Variants in CDH7 observed in about 807,000 individuals in gnomAD.
The protein encoded by CDH7 is cadherin 7.
A neutral mutation model predicts 71.8 loss-of-function variants in CDH7; 25 were observed. The observed-to-expected ratio is 0.35, with a 90% confidence interval of 0.25 to 0.49. The LOEUF is 0.49. Among genes scored for constraint, CDH7 ranks in the 20% least tolerant of loss-of-function variants. The pLI, the probability that CDH7 is intolerant of heterozygous loss-of-function variation, is 0.99. For missense variants in CDH7, 862 were observed against 974.6 expected, an observed-to-expected ratio of 0.88 and a Z score of 1.54; for synonymous variants, 381 against 363.8, an observed-to-expected ratio of 1.05 and a Z score of -0.54.
At chr18:65,752,010 A>G (rs1352326422) in intron 1 of CDH7, among the ~76,000 whole-genome samples, 1 of 152,252 alleles carries the variant, frequency 6.6e-6, no homozygotes, top group Non-Finnish European at 1.5e-5. Flanking sequence ...AACTATTGAG[A>G]AACCATCAAG....
At chr18:65,781,993 T>C in intron 2 of CDH7, among the ~76,000 whole-genome samples, 3 of 90,256 alleles carry the variant, frequency 3.3e-5, no homozygotes, top group Non-Finnish European at 6.0e-5. Flanking sequence ...TCTCTTTCTC[T>C]CTTTCTCTCT....
At chr18:65,816,257 G>A (rs983484879) in intron 4 of CDH7, among the ~76,000 whole-genome samples, 2 of 151,984 alleles carry the variant, frequency 1.3e-5, no homozygotes, top group Non-Finnish European at 2.9e-5. Flanking sequence ...CATGAATGCA[G>A]AGACATTCTG....
intron 2 of CDH7, among the ~76,000 whole-genome samples, chr18:65,798,792 G>C (rs960822881): frequency 2.6e-5 from 4 of 152,082 alleles, no homozygotes; most frequent in Admixed American, 6.5e-5. Flanking sequence ...GGTCAAGGTG[G>C]CTCTCTTCAA....
At position 65,863,692 on chromosome 18, in the gene CDH7, CA is replaced by C. The variant is rs1913660628; in HGVS notation, c.1864+777del. ...AAATTTGAAATGATTACAATTTCAGCAATGCAAATCTTATATTTTTAAAGTA... is the reference window on the plus strand; with the variant it reads ...AAATTTGAAATGATTACAATTTCAGCATGCAAATCTTATATTTTTAAAGTA... On this transcript the variant is annotated intron_variant, in intron 11 of 11. Coordinates refer to ENST00000397968, the MANE Select transcript of CDH7 (RefSeq NM_004361.5). The C allele has an allele frequency of 2.0e-5, 3 of 152,224 alleles. No homozygotes were observed. In the South Asian group the frequency reaches 6.2e-4, roughly 32 times the overall value. 9.4% of individuals were successfully genotyped at this position (152,224 alleles called of 1,614,324 possible). A position where few individuals can be genotyped will look rare whatever the true frequency, so the allele number is the denominator to read the frequency against.
At chr18:65,811,966 C>CTTTTTTTTTTTTTTT (rs57594274) in intron 3 of CDH7, among the ~76,000 whole-genome samples, 14 of 95,880 alleles carry the variant, frequency 1.5e-4, no homozygotes, top group African/African-American at 1.6e-4. Flanking sequence ...CTTTTCTTTT[C>CTTTTTTTTTTTTTTT]TTTTTTTTTT....
At position 65,810,389 on chromosome 18, in the gene CDH7, A is replaced by G. The variant is rs373539991; in HGVS notation, c.505+391A>G. Among the ~76,000 whole-genome samples the G allele has an allele frequency of 5.1e-4, 78 of 152,278 alleles. No homozygotes were observed. In the South Asian group the frequency reaches 0.016, roughly 31 times the overall value. ...TTACTTTTCTTTCCATGATATTAAG[A>G]TATTGATTCATTGTTCTAAACATCT... On this transcript the variant is annotated intron_variant, in intron 3 of 11. Coordinates refer to ENST00000397968, the MANE Select transcript of CDH7 (RefSeq NM_004361.5).
At chr18:65,833,764 T>C (rs1286622821) in intron 6 of CDH7, among the ~76,000 whole-genome samples, 2 of 152,172 alleles carry the variant, frequency 1.3e-5, no homozygotes, top group African/African-American at 4.8e-5. Context: ...GATAAGAAAT[T>C]AACATTCTTT....
At chr18:65,761,390 AT>A (rs1432113847) in intron 1 of CDH7, among the ~76,000 whole-genome samples, 1 of 147,014 alleles carries the variant, frequency 6.8e-6, no homozygotes, top group Non-Finnish European at 1.5e-5. Context: ...TATCAAAAAT[AT>A]TTTTTTATTG....
intron 11 of CDH7, among the ~76,000 whole-genome samples, chr18:65,873,024 A>C (rs1913973390): frequency 6.6e-6 from 1 of 152,148 alleles, no homozygotes; most frequent in African/African-American, 2.4e-5. Flanking sequence ...GTAGAAAAAG[A>C]AGACAGATTT....
chr18:65,759,864 T>C (rs771552795), intron 1 of CDH7, among the ~76,000 whole-genome samples: 1 of 152,178 alleles, frequency 6.6e-6, no homozygotes, highest in Non-Finnish European at 1.5e-5. Flanking sequence ...CCAGCTCTGA[T>C]ATTTGTGTTT....
At chr18:65,774,966 T>C (rs1194776657) in intron 2 of CDH7, among the ~76,000 whole-genome samples, 3 of 152,162 alleles carry the variant, frequency 2.0e-5, no homozygotes, top group Non-Finnish European at 4.4e-5. Context: ...AAAGCGAAGA[T>C]AGTAAGAAGA....
intron 2 of CDH7, among the ~76,000 whole-genome samples, chr18:65,785,371 A>G (rs1198698345): frequency 6.6e-6 from 1 of 152,160 alleles, no homozygotes; most frequent in Non-Finnish European, 1.5e-5. Context: ...GTTATGTACA[A>G]CATTAAATAC....
intron 7 of CDH7, among the ~76,000 whole-genome samples, chr18:65,856,968 C>A (rs1420620141): frequency 4.7e-5 from 7 of 150,396 alleles, no homozygotes; most frequent in Admixed American, 2.0e-4. Flanking sequence ...AGGGGTTCCA[C>A]TTTGAAACAT....
chr18:65,864,456 C>T, intron 11 of CDH7, among the ~76,000 whole-genome samples: 1 of 150,568 alleles, frequency 6.6e-6, no homozygotes, highest in African/African-American at 2.4e-5. Flanking sequence ...TATGTGTGGC[C>T]TAAGACAAGT....
chr18:65,783,427 G>A (rs990388), intron 2 of CDH7, among the ~76,000 whole-genome samples: 67,096 of 152,082 alleles, frequency 0.44, 17,594 homozygotes, highest in African/African-American at 0.74. Context: ...ATGCACATAT[G>A]CAACATAGGA....
intron 7 of CDH7, among the ~76,000 whole-genome samples, chr18:65,849,167 C>CA (rs1336457932): frequency 6.6e-6 from 1 of 151,922 alleles, no homozygotes; most frequent in African/African-American, 2.4e-5. Flanking sequence ...TACTCTATTT[C>CA]AAAATGCTGC....
At chr18:65,875,061 T>C (rs1914035495) in intron 11 of CDH7, among the ~76,000 whole-genome samples, 1 of 152,200 alleles carries the variant, frequency 6.6e-6, no homozygotes, top group African/African-American at 2.4e-5. Flanking sequence ...TAATATATTA[T>C]GAAATATTTT....
intron 10 of CDH7, among the ~76,000 whole-genome samples, chr18:65,860,095 A>G (rs575340301): frequency 3.5e-4 from 53 of 152,286 alleles, no homozygotes; most frequent in Non-Finnish European, 6.5e-4. Context: ...TTATTTGTAT[A>G]CCAAGTTCAT....
At chr18:65,832,693 A>C (rs1007701548) in intron 6 of CDH7, among the ~76,000 whole-genome samples, 1 of 152,172 alleles carries the variant, frequency 6.6e-6, no homozygotes, top group East Asian at 1.9e-4. Context: ...ATTTACAAAG[A>C]GTAAACATAA....
Sources: allele counts gnomAD v4.1 joint callset (sites outside exome capture counted in the v4.1 genomes callset), GRCh38; gene constraint gnomAD v4.1.1; transcripts MANE v1.5; gene names NCBI Gene and HGNC (gene_info 2026-07-23, HGNC 2026-07-21).